Variants in MYBPC1 observed in about 807,000 individuals in gnomAD.
MYBPC1 encodes myosin binding protein C1.
MYBPC1 carries 52 observed loss-of-function variants against 147.1 expected under a neutral mutation model. The observed-to-expected ratio is 0.35, with a 90% CI of 0.28 to 0.45. The LOEUF (loss-of-function observed/expected upper bound fraction) is 0.45, where lower values mean the gene tolerates loss of function less well. Among genes scored for constraint, MYBPC1 ranks in the 20% least tolerant of loss-of-function variants. MYBPC1 has a pLI of 1.00. For missense variants in MYBPC1, 1,228 were observed against 1,440.3 expected, an observed-to-expected ratio of 0.85 and a Z score of 2.39; for synonymous variants, 477 against 475.9, an observed-to-expected ratio of 1.00 and a Z score of -0.03.
intron 1 of MYBPC1, among the ~76,000 whole-genome samples, chr12:101,603,600 G>C (rs1033764481): frequency 2.0e-5 from 3 of 152,068 alleles, no homozygotes; most frequent in African/African-American, 7.2e-5. Context: ...CAACAGTTTG[G>C]AGCAAGGCCT....
chr12:101,626,103 AAAAAAAAAAT>A (rs1888543718), intron 3 of MYBPC1, among the ~76,000 whole-genome samples: 1 of 151,222 alleles, frequency 6.6e-6, no homozygotes, highest in African/African-American at 2.4e-5. Context: ...AAAAAAAAAA[AAAAAAAAAAT>A]TTATCCTTCT....
At chr12:101,678,652 GC>G in intron 28 of MYBPC1, among the ~76,000 whole-genome samples, 1 of 152,306 alleles carries the variant, frequency 6.6e-6, no homozygotes, top group South Asian at 2.1e-4. Context: ...ATATGAATGT[GC>G]TTTGATAAGG....
intron 3 of MYBPC1, among the ~76,000 whole-genome samples, chr12:101,620,476 G>C (rs1475524008): frequency 6.6e-6 from 1 of 152,210 alleles, no homozygotes; most frequent in Non-Finnish European, 1.5e-5. Flanking sequence ...TACACTTTAT[G>C]GGGAAGAACA....
rs2136817404 is a variant in MYBPC1, at chr12:101,678,094, T to C, written c.3110-8T>C. On this transcript the variant is annotated splice_region_variant and splice_polypyrimidine_tract_variant and intron_variant, in intron 27 of 31. Transcript: ENST00000361466. Reference sequence around the variant, plus strand: ...AATTTTAACATATTTGTAATGCTTGTTTTTAAGGTAAAATCTACAAAAATC... The same window carrying C: ...AATTTTAACATATTTGTAATGCTTGCTTTTAAGGTAAAATCTACAAAAATC... The C allele has an allele frequency of 1.9e-6, 3 of 1,611,444 alleles. No homozygotes were observed. The highest frequency in any genetic ancestry group is 2.2e-5 in the East Asian group (1 of 44,858).
At chr12:101,630,260 G>A (rs966144701) in intron 6 of MYBPC1, among the ~76,000 whole-genome samples, 16 of 152,140 alleles carry the variant, frequency 1.1e-4, no homozygotes, top group Non-Finnish European at 2.1e-4. Context: ...TCCACTGTGT[G>A]TATACACTAA....
intron 12 of MYBPC1, among the ~76,000 whole-genome samples, chr12:101,645,838 A>G (rs1892987158): frequency 6.6e-6 from 1 of 152,190 alleles, no homozygotes; most frequent in Non-Finnish European, 1.5e-5. Context: ...TTTCGTTTCT[A>G]AATACTCACA....
chr12:101,685,535 C>A, intron 31 of MYBPC1, 47 bp from the exon 32 acceptor site: 2 of 1,317,376 alleles, frequency 1.5e-6, no homozygotes, highest in Non-Finnish European at 2.1e-6. Flanking sequence ...AGCGATTTTT[C>A]AGGTAGATGG....
intron 18 of MYBPC1, among the ~76,000 whole-genome samples, chr12:101,655,328 A>T (rs1470717868): frequency 6.6e-6 from 1 of 152,228 alleles, no homozygotes; most frequent in East Asian, 1.9e-4. Context: ...AGATGAAAGC[A>T]ATAAAATGTC....
chr12:101,621,099 A>G (rs1417057441), intron 3 of MYBPC1, among the ~76,000 whole-genome samples: 1 of 152,212 alleles, frequency 6.6e-6, no homozygotes, highest in East Asian at 1.9e-4. Context: ...AGGTTCTTTT[A>G]CATCTGCAAT....
chr12:101,642,141 G>A (rs1207431588), intron 10 of MYBPC1, among the ~76,000 whole-genome samples: 1 of 151,894 alleles, frequency 6.6e-6, no homozygotes, highest in East Asian at 1.9e-4. Context: ...ATATTTTTAG[G>A]CTATTTCCTG....
At position 101,632,106 on chromosome 12, in the gene MYBPC1, T is replaced by C. The variant is rs546207140; in HGVS notation, c.524T>C (p.Phe175Ser). ...TGCGAGGTCACCTATAAGGATAAGT[T>C]TGACAGCTGTTCATTTGATCTTGAA... Reference protein sequence around the residue: ...YRCEVTYKDKFDSCSFDLEVH... With the variant: ...YRCEVTYKDKSDSCSFDLEVH... The change falls in exon 8 of 32, where the codon TTT becomes TCT. Residue 175 changes from phenylalanine (F) to serine (S), a missense_variant. Phe to Ser is a radical substitution (Grantham distance 155). This residue lies in a region of MYBPC1 where 1,077 missense variants were observed against 1,314.2 expected (regional missense o/e 0.82). Coordinates refer to ENST00000361466, the MANE Select transcript of MYBPC1 (RefSeq NM_002465.4). 3.6e-4 allele frequency: 575 copies of C among 1,613,562 alleles called. 6 individuals carry two copies. The South Asian group carries it at 5.8e-3, about 16-fold the overall frequency.
intron 10 of MYBPC1, 167 bp downstream of exon 10, chr12:101,636,895 C>T (rs1455298398): frequency 3.2e-6 from 2 of 626,362 alleles, no homozygotes; most frequent in African/African-American, 1.8e-5. Flanking sequence ...GAAACAACTG[C>T]ATACTAATCT....
chr12:101,666,894 TACACACACACAC>T (rs1201276523), intron 22 of MYBPC1: 11 of 313,760 alleles, frequency 3.5e-5, no homozygotes, highest in South Asian at 1.5e-4. Flanking sequence ...ATCACATACA[TACACACACACAC>T]ACACACACAC....
In MYBPC1 at chr12:101,685,729, T is replaced by C; in HGVS notation, c.*167T>C. ...CTCTGCACTCTGCTGCTTTGAAATC[T>C]GGTTGAAATGAGAAAAAGCATTTTC... On this transcript the variant is annotated 3_prime_UTR_variant, in exon 32 of 32. Coordinates refer to ENST00000361466, the MANE Select transcript of MYBPC1 (RefSeq NM_002465.4). 1.5e-6 allele frequency: 2 copies of C among 1,346,420 alleles called. No individual in the cohort carries two copies. The highest frequency in any genetic ancestry group is 2.0e-6 in the Non-Finnish European group (2 of 993,318). The allele number at this position is 1,346,420 out of a possible 1,614,324, so 83.4% of individuals were successfully genotyped here. A position where few individuals can be genotyped will look rare whatever the true frequency, so the allele number is the denominator to read the frequency against.
chr12:101,642,354 T>C, intron 10 of MYBPC1, 65 bp from the exon 11 acceptor site: 1 of 1,551,262 alleles, frequency 6.4e-7, no homozygotes, highest in East Asian at 2.2e-5. Flanking sequence ...GAATTATACC[T>C]CGACCTTCGT....
chr12:101,634,568 A>G lies in MYBPC1; in HGVS notation c.571A>G (p.Thr191Ala). The stretch of plus-strand genomic sequence containing the variant: ...TCCTTTCAAAGAATCTACTGGGACT[A>G]CTCCAAACATTGACATCAGATCTGC... ...DLEVHESTGT[T>A]PNIDIRSAFK... Residue 191 changes from threonine to alanine, a missense_variant, in exon 9 of 32, where the codon ACT becomes GCT. Physicochemically the swap from Thr to Ala is moderately conservative, Grantham distance 58 (BLOSUM62 0). This residue lies in a region of MYBPC1 where 1,077 missense variants were observed against 1,314.2 expected (regional missense o/e 0.82). Coordinates refer to ENST00000361466, the MANE Select transcript of MYBPC1 (RefSeq NM_002465.4). The G allele has an allele frequency of 6.2e-7, 1 of 1,613,052 alleles. No individual in the cohort carries two copies. Among genetic ancestry groups the G allele is most frequent in the South Asian group, 1.1e-5 (1 of 91,048 alleles).
chr12:101,674,146 A>T (rs1328112432), intron 25 of MYBPC1, among the ~76,000 whole-genome samples: 1 of 152,240 alleles, frequency 6.6e-6, no homozygotes, highest in East Asian at 1.9e-4. Flanking sequence ...TATATGTTCA[A>T]GAAAATTAAT....
Position 101,594,994 on chromosome 12 carries a change from T to C in MYBPC1, c.-77T>C. 6.9e-7 allele frequency: 1 copy of C among 1,445,788 alleles called. No homozygotes were observed. Among genetic ancestry groups the C allele is most frequent in the Non-Finnish European group, 9.7e-7 (1 of 1,028,910 alleles). The allele number at this position is 1,445,788 out of a possible 1,614,324, so 89.6% of individuals were successfully genotyped here. The stretch of plus-strand genomic sequence containing the variant: ...TTGTCACACCGACCTGCACCATCTC[T>C]CGCCTGCCTGTGGGGTTTCTGTCAA... On this transcript the variant is annotated 5_prime_UTR_variant, in exon 1 of 32. Transcript: ENST00000361466.
At chr12:101,628,959 A>G in intron 5 of MYBPC1, 1 of 219,808 alleles carries the variant, frequency 4.5e-6, no homozygotes, top group South Asian at 7.9e-5. Flanking sequence ...ATACCAGGCC[A>G]GGCTTGGCTT....
Sources: gnomAD v4.1 joint callset for allele counts (sites outside exome capture counted in the v4.1 genomes callset) on GRCh38, gnomAD v4.1.1 for gene constraint, gnomAD v4.1.1 regional missense constraint, MANE v1.5 for transcripts, NCBI Gene and HGNC (gene_info 2026-07-23, HGNC 2026-07-21) for gene names.